PRKCE: variants seen among roughly 807,000 people sequenced by gnomAD.
PRKCE encodes protein kinase C epsilon.
Under a neutral mutation model 85.4 loss-of-function variants are expected in PRKCE, and 16 were observed. The ratio of observed to expected loss-of-function variants is 0.19; its 90% CI spans 0.13 to 0.28. PRKCE has a LOEUF of 0.28. Among genes scored for constraint, PRKCE ranks in the 10% least tolerant of loss-of-function variants. The pLI is 1.00. For missense variants in PRKCE, 573 were observed against 975.2 expected (o/e 0.59, Z 5.49); for synonymous variants, 388 against 371.5 (o/e 1.04, Z -0.51).
At chr2:45,710,053 C>T (rs550141357) in intron 1 of PRKCE, among the ~76,000 whole-genome samples, 11 of 152,288 alleles carry the variant, frequency 7.2e-5, no homozygotes, top group East Asian at 1.9e-4. Context: ...TCAAGTGATC[C>T]GGAAAGTTCT....
At chr2:45,745,947 A>G (rs945388036) in intron 1 of PRKCE, among the ~76,000 whole-genome samples, 3 of 152,208 alleles carry the variant, frequency 2.0e-5, no homozygotes, top group African/African-American at 7.2e-5. Context: ...AAGCCTCTGG[A>G]CTTTTACCAT....
intron 2 of PRKCE, among the ~76,000 whole-genome samples, chr2:45,966,817 A>T (rs1701763380): frequency 6.6e-6 from 1 of 152,100 alleles, no homozygotes; most frequent in East Asian, 1.9e-4. Context: ...GGGTAGCTGA[A>T]CCCCAGCAGG....
intron 1 of PRKCE, among the ~76,000 whole-genome samples, chr2:45,737,922 G>C (rs1282722016): frequency 6.6e-6 from 1 of 152,084 alleles, no homozygotes; most frequent in Non-Finnish European, 1.5e-5. Context: ...ACCCCTTCCT[G>C]ATTATACAGC....
In PRKCE at chr2:45,921,615, G is replaced by T. The variant is rs531404650; in HGVS notation, c.413-54814G>T. The stretch of plus-strand genomic sequence containing the variant: ...TGGTAGAGCTGGGTAAACTGACAGG[G>T]TGACCAGAGCTCCAAGTCACTCCTT... On this transcript the variant is annotated intron_variant, in intron 2 of 14. Coordinates refer to ENST00000306156, the MANE Select transcript of PRKCE (RefSeq NM_005400.3). Among the ~76,000 whole-genome samples the T allele has an allele frequency of 5.3e-5, 8 of 152,304 alleles. No homozygotes were observed. In the South Asian group the frequency reaches 1.7e-3, roughly 32 times the overall value.
intron 1 of PRKCE, among the ~76,000 whole-genome samples, chr2:45,670,309 G>A (rs1303341516): frequency 1.3e-5 from 2 of 152,134 alleles, no homozygotes; most frequent in Non-Finnish European, 2.9e-5. Flanking sequence ...GGAGAAAGAC[G>A]TGAGAAAAAG....
chr2:45,937,379 C>G (rs1699539202), intron 2 of PRKCE, among the ~76,000 whole-genome samples: 1 of 152,204 alleles, frequency 6.6e-6, no homozygotes, highest in African/African-American at 2.4e-5. Flanking sequence ...AGGCTAACAC[C>G]TGGTAGGCCC....
At chr2:45,680,630 A>G (rs1319466762) in intron 1 of PRKCE, among the ~76,000 whole-genome samples, 1 of 152,236 alleles carries the variant, frequency 6.6e-6, no homozygotes, top group Non-Finnish European at 1.5e-5. Flanking sequence ...ACAGACTCTC[A>G]GATATATACA....
At chr2:45,726,016 C>G (rs995159507) in intron 1 of PRKCE, among the ~76,000 whole-genome samples, 1 of 152,098 alleles carries the variant, frequency 6.6e-6, no homozygotes, top group African/African-American at 2.4e-5. Context: ...AGCAAGAGAA[C>G]TAGAATTAGA....
chr2:45,930,400 A>C (rs1374005131), intron 2 of PRKCE, among the ~76,000 whole-genome samples: 1 of 152,236 alleles, frequency 6.6e-6, no homozygotes, highest in African/African-American at 2.4e-5. Flanking sequence ...AGATCCAAGA[A>C]AGTGCCTGGT....
At chr2:45,694,152 C>G (rs575830757) in intron 1 of PRKCE, among the ~76,000 whole-genome samples, 2 of 150,660 alleles carry the variant, frequency 1.3e-5, no homozygotes, top group African/African-American at 4.9e-5. Flanking sequence ...TTCTTGTGGC[C>G]ATTTCCAGAA....
At chr2:45,726,271 G>A (rs1681063577) in intron 1 of PRKCE, among the ~76,000 whole-genome samples, 1 of 152,206 alleles carries the variant, frequency 6.6e-6, no homozygotes, top group African/African-American at 2.4e-5. Context: ...ATCAAACAGT[G>A]TCACATGCTA....
At chr2:45,930,502 G>T (rs934553010) in intron 2 of PRKCE, among the ~76,000 whole-genome samples, 22 of 152,216 alleles carry the variant, frequency 1.4e-4, no homozygotes, top group African/African-American at 4.8e-4. Context: ...TCCCACTGGT[G>T]GGGGAGGAAG....
At chr2:45,693,326 T>C (rs900841456) in intron 1 of PRKCE, among the ~76,000 whole-genome samples, 3 of 152,016 alleles carry the variant, frequency 2.0e-5, no homozygotes, top group Non-Finnish European at 4.4e-5. Flanking sequence ...CCAGTGTAGA[T>C]GCCCAGCACC....
intron 10 of PRKCE, among the ~76,000 whole-genome samples, chr2:46,021,639 A>C (rs1194707164): frequency 6.6e-6 from 1 of 152,180 alleles, no homozygotes; most frequent in African/African-American, 2.4e-5. Flanking sequence ...CACATTTCTA[A>C]GGTGTCATTT....
intron 1 of PRKCE, among the ~76,000 whole-genome samples, chr2:45,804,598 C>T (rs1688106894): frequency 1.3e-5 from 2 of 152,188 alleles, no homozygotes; most frequent in African/African-American, 4.8e-5. Context: ...AAGCACTCTG[C>T]TGCCTGGGTT....
At chr2:45,985,533 A>G (rs775448700) in intron 6 of PRKCE, among the ~76,000 whole-genome samples, 5 of 152,208 alleles carry the variant, frequency 3.3e-5, no homozygotes, top group African/African-American at 4.8e-5. Context: ...ATAAATTCCC[A>G]TTGTAGAAAA....
At chr2:45,847,185 G>A (rs991644987) in intron 2 of PRKCE, among the ~76,000 whole-genome samples, 1 of 152,188 alleles carries the variant, frequency 6.6e-6, no homozygotes, top group Non-Finnish European at 1.5e-5. Flanking sequence ...ATTCCTGGAA[G>A]GACATTCTCT....
chr2:45,834,807 G>A (rs940358510), intron 1 of PRKCE, among the ~76,000 whole-genome samples: 1 of 152,118 alleles, frequency 6.6e-6, no homozygotes, highest in South Asian at 2.1e-4. Context: ...ATTTATTTAA[G>A]CAGTCTCCTA....
chr2:46,112,519 G>GT (rs1553350858), intron 11 of PRKCE, among the ~76,000 whole-genome samples: 2 of 143,962 alleles, frequency 1.4e-5, no homozygotes, highest in African/African-American at 2.5e-5. Context: ...TTGTTTGTTT[G>GT]TTTTTTGTTT....
Sources: allele counts gnomAD v4.1 joint callset (sites outside exome capture counted in the v4.1 genomes callset), GRCh38; gene constraint gnomAD v4.1.1; transcripts MANE v1.5; gene names NCBI Gene and HGNC (gene_info 2026-07-23, HGNC 2026-07-21).